Variants in PARP3 observed in about 807,000 individuals in gnomAD.
The protein encoded by PARP3 is protein mono-ADP-ribosyltransferase PARP3.
In PARP3, 46 loss-of-function variants were observed where a neutral mutation model predicts 58.2. The observed-to-expected ratio is 0.79, with a 90% CI of 0.62 to 1.01. The LOEUF is 1.01. PARP3 is among the 50% of genes least tolerant of loss of function. The pLI, the probability that PARP3 is intolerant of heterozygous loss-of-function variation, is 0.00. For synonymous variants in PARP3, 252 were observed against 266.4 expected, an observed-to-expected ratio of 0.95 and a Z score of 0.53; for missense variants, 663 against 683.9, an observed-to-expected ratio of 0.97 and a Z score of 0.34.
In PARP3 at chr3:51,946,705, G is replaced by T. The variant is rs572278509; in HGVS notation, c.1276+362G>T. 3.7e-4 allele frequency among the ~76,000 whole-genome samples: 56 copies of T among 152,278 alleles called. 1 individual carries two copies. The highest frequency in any genetic ancestry group is 1.1e-3 in the African/African-American group (46 of 41,542). ...GCCCACAAGTTTAAGGCTGCCATGAGCTATGATCACACTCCAGCCTGTGTG... is the reference window on the plus strand; with the variant it reads ...GCCCACAAGTTTAAGGCTGCCATGATCTATGATCACACTCCAGCCTGTGTG... On this transcript the variant is annotated intron_variant, in intron 9 of 10. Transcript: ENST00000398755. The surrounding 1 kb of genome is among the most constrained non-coding windows in gnomAD (Gnocchi z 4.6).
intron 10 of PARP3, 36 bp from the exon 11 acceptor site, chr3:51,948,275 C>A (rs1445825031): frequency 3.8e-6 from 6 of 1,593,112 alleles, no homozygotes; most frequent in Non-Finnish European, 5.1e-6. Context: ...GGACCAGTGA[C>A]CCCTGGGCCA....
chr3:51,943,972 G>T (rs1699607666), intron 2 of PARP3, 117 bp from the exon 3 acceptor site: 1 of 925,108 alleles, frequency 1.1e-6, no homozygotes, highest in Non-Finnish European at 1.7e-6. Context: ...TCCAAGACAG[G>T]GTCCCTCTGA....
chr3:51,945,888 C>A lies in PARP3; in HGVS notation c.1047C>A (p.Asn349Lys), dbSNP rs1335798903. The A allele has an allele frequency of 6.2e-7, 1 of 1,614,070 alleles. No homozygotes were observed. Among genetic ancestry groups the A allele is most frequent in the South Asian group, 1.1e-5 (1 of 91,070 alleles). The stretch of plus-strand genomic sequence containing the variant: ...CCTACTTAGAACAGACTGGCAGCAA[C>A]CACAGGTGCCCTACACTTCAACACA... ...IQTYLEQTGS[N>K]HRCPTLQHIW... Residue 349 changes from asparagine (N) to lysine (K), a missense_variant, in exon 8 of 11, where the codon AAC (asparagine) becomes AAA (lysine). Asn to Lys is a moderately conservative substitution (Grantham distance 94, BLOSUM62 0). Around this residue, in one of 3 missense-constraint regions of PARP3, gnomAD observed 567 missense variants for 553.6 expected, o/e 1.02. Transcript: ENST00000398755.
chr3:51,945,758 C>T lies in PARP3; in HGVS notation c.1012-95C>T, dbSNP rs527411137. Reference sequence around the variant, plus strand: ...CCTCAGCCTTCTCTTCCTGTGTCTCCAGGGCCTGAGGAGGGCTTGGGACTG... The same window carrying T: ...CCTCAGCCTTCTCTTCCTGTGTCTCTAGGGCCTGAGGAGGGCTTGGGACTG... On this transcript the variant is annotated intron_variant, in intron 7 of 10. Coordinates refer to ENST00000398755, the MANE Select transcript of PARP3 (RefSeq NM_001003931.4). 1.2e-4 allele frequency: 187 copies of T among 1,528,002 alleles called. No individual in the cohort carries two copies. In the South Asian group the frequency reaches 1.9e-3, roughly 16 times the overall value. The allele number at this position is 1,528,002 out of a possible 1,614,324, so 94.7% of individuals were successfully genotyped here. A position where few individuals can be genotyped will look rare whatever the true frequency, so the allele number is the denominator to read the frequency against.
chr3:51,943,118 C>G, intron 1 of PARP3: 1 of 1,130,632 alleles, frequency 8.8e-7, no homozygotes. Context: ...GAGTCCTAAC[C>G]TTGCACTTGG....
chr3:51,947,612 G>C (rs1699709903), intron 9 of PARP3, 128 bp from the exon 10 acceptor site: 9 of 957,322 alleles, frequency 9.4e-6, no homozygotes, highest in African/African-American at 1.6e-5. Flanking sequence ...AGTGACGGTT[G>C]GGGGAGAGTG....
chr3:51,947,082 C>G (rs1242067823), intron 9 of PARP3, among the ~76,000 whole-genome samples: 1 of 152,144 alleles, frequency 6.6e-6, no homozygotes, highest in African/African-American at 2.4e-5. Context: ...CTGGGAAGTG[C>G]AGGGGAGGGA....
Position 51,946,629 on chromosome 3 carries a change from T to C in PARP3, c.1276+286T>C, listed in dbSNP as rs953651884. ...AGCCTTTGAGCCAGGTGTGGTGGCA[T>C]ACACCTGTAGTTCCATCTACTCTGG... On this transcript the variant is annotated intron_variant, in intron 9 of 10. Transcript: ENST00000398755. The surrounding 1 kb of genome is among the most constrained non-coding windows in gnomAD (Gnocchi z 4.6). Among the ~76,000 whole-genome samples the C allele has an allele frequency of 4.6e-5, 7 of 152,062 alleles. No individual in the cohort carries two copies. The highest frequency in any genetic ancestry group is 1.7e-4 in the African/African-American group (7 of 41,400).
Position 51,945,069 on chromosome 3 carries a change from C to G in PARP3, c.706C>G (p.Leu236Val), listed in dbSNP as rs774027071. 14 of 1,614,192 alleles carry G rather than the reference C, an allele frequency of 8.7e-6. No individual in the cohort carries two copies. Among genetic ancestry groups the G allele is most frequent in the Non-Finnish European group, 8.5e-6 (10 of 1,180,042 alleles). Residue 236 changes from leucine (L) to valine (V), a missense_variant, in exon 6 of 11, where the codon CTG becomes GTG. Leu to Val is a conservative substitution (Grantham distance 32, BLOSUM62 1). Around this residue, in one of 3 missense-constraint regions of PARP3, gnomAD observed 567 missense variants for 553.6 expected, o/e 1.02. Coordinates refer to ENST00000398755, the MANE Select transcript of PARP3 (RefSeq NM_001003931.4). ...IARGFEALEA[L>V]EEALKGPTDG... Reference sequence around the variant, plus strand: ...ACGGGGTTTCGAGGCCTTGGAGGCGCTGGAGGAGGCCCTGAAAGGCCCCAC... The same window carrying G: ...ACGGGGTTTCGAGGCCTTGGAGGCGGTGGAGGAGGCCCTGAAAGGCCCCAC...
chr3:51,943,348 G>C lies in PARP3; in HGVS notation c.-2-6G>C. The C allele has an allele frequency of 6.4e-7, 1 of 1,564,122 alleles. No homozygotes were observed. On this transcript the variant is annotated splice_polypyrimidine_tract_variant and splice_region_variant and intron_variant, in intron 1 of 10. Transcript: ENST00000398755. Reference sequence around the variant, plus strand: ...GGCCTAAGGGCCTCTCTGTGCCCCAGGACAGCCATGGCTCCAAAGCCGAAG... The same window carrying C: ...GGCCTAAGGGCCTCTCTGTGCCCCACGACAGCCATGGCTCCAAAGCCGAAG...
At position 51,943,551 on chromosome 3, in the gene PARP3, C is replaced by T; in HGVS notation, c.183+13C>T. The T allele has an allele frequency of 1.2e-6, 2 of 1,602,488 alleles. No individual in the cohort carries two copies. Among genetic ancestry groups the T allele is most frequent in the Non-Finnish European group, 1.7e-6 (2 of 1,174,712 alleles). On this transcript the variant is annotated intron_variant, in intron 2 of 10. Transcript: ENST00000398755. ...CCCCGGGACCCAGGTGAGCTGCAGT[C>T]CCCAGTCAGGCCCAGAGCCTGCCCA... is the stretch of plus-strand genomic sequence containing the variant.
At position 51,945,490 on chromosome 3, in the gene PARP3, C is replaced by T. The variant is rs1221635441; in HGVS notation, c.862-5C>T. Reference sequence around the variant, plus strand: ...AAGACAAACTGCCAGGGCCCATCATCCTAGGTGCTGGCGGACATCGAGCTG... The same window carrying T: ...AAGACAAACTGCCAGGGCCCATCATTCTAGGTGCTGGCGGACATCGAGCTG... On this transcript the variant is annotated splice_polypyrimidine_tract_variant and splice_region_variant and intron_variant, in intron 6 of 10. Coordinates refer to ENST00000398755, the MANE Select transcript of PARP3 (RefSeq NM_001003931.4). 13 of 1,612,878 alleles carry T rather than the reference C, an allele frequency of 8.1e-6. No homozygotes were observed. Among genetic ancestry groups the T allele is most frequent in the Admixed American group, 1.7e-5 (1 of 59,960 alleles).
rs1699734584 is a variant in PARP3, at chr3:51,948,546, C to T, written c.*66C>T. ...TGATCTTCAATCATCCTGCCCATCTCTGGTACCCCTATATCACTCCTTTTT... is the reference window on the plus strand; with the variant it reads ...TGATCTTCAATCATCCTGCCCATCTTTGGTACCCCTATATCACTCCTTTTT... On this transcript the variant is annotated 3_prime_UTR_variant, in exon 11 of 11. Coordinates refer to ENST00000398755, the MANE Select transcript of PARP3 (RefSeq NM_001003931.4). The T allele has an allele frequency of 2.0e-5, 28 of 1,398,608 alleles. No homozygotes were observed. The highest frequency in any genetic ancestry group is 1.7e-4 in the South Asian group (14 of 82,986). 86.6% of individuals were successfully genotyped at this position (1,398,608 alleles called of 1,614,324 possible).
rs1699735953 is a variant in PARP3 at position 51,948,601 on chromosome 3, A to G, written c.*121A>G. On this transcript the variant is annotated 3_prime_UTR_variant, in exon 11 of 11. Transcript: ENST00000398755. ...AGAATACAATACGTTGTTGTTAACT[A>G]TAGTCACCATGCTGTACAAGATCCC... The G allele has an allele frequency of 2.3e-6, 2 of 859,164 alleles. No homozygotes were observed. Among genetic ancestry groups the G allele is most frequent in the African/African-American group, 1.7e-5 (1 of 59,064 alleles). 53.2% of individuals were successfully genotyped at this position (859,164 alleles called of 1,614,324 possible).
intron 10 of PARP3, 63 bp from the exon 11 acceptor site, chr3:51,948,248 C>A: frequency 6.7e-7 from 1 of 1,502,742 alleles, no homozygotes; most frequent in Non-Finnish European, 9.1e-7. Flanking sequence ...GGGGGCAGGA[C>A]TTACTCGTAA....
Position 51,944,691 on chromosome 3 carries a change from C to A in PARP3, c.502-87C>A. 1 of 1,572,308 alleles carries A rather than the reference C, an allele frequency of 6.4e-7. No individual in the cohort carries two copies. Among genetic ancestry groups the A allele is most frequent in the South Asian group, 1.2e-5 (1 of 85,638 alleles). ...CAGCTGCGCAGCCTCAGCCACAGAA[C>A]TCCCCTCTGGCCTCAGGCTGGCTGG... is the stretch of plus-strand genomic sequence containing the variant. On this transcript the variant is annotated intron_variant, in intron 4 of 10. Transcript: ENST00000398755. The surrounding 1 kb of genome is among the most constrained non-coding windows in gnomAD (Gnocchi z 4.2).
At position 51,945,914 on chromosome 3, in the gene PARP3, T is replaced by C. The variant is rs1459426393; in HGVS notation, c.1073T>C (p.Ile358Thr). 2 of 1,613,840 alleles carry C rather than the reference T, an allele frequency of 1.2e-6. No homozygotes were observed. The highest frequency in any genetic ancestry group is 1.7e-6 in the Non-Finnish European group (2 of 1,179,962). Reference protein sequence around the residue: ...SNHRCPTLQHIWKVNQEGEED... With the variant: ...SNHRCPTLQHTWKVNQEGEED... ...CACAGGTGCCCTACACTTCAACACA[T>C]CTGGAAAGTAAACCAAGAAGGGGAG... Residue 358 changes from isoleucine to threonine, a missense_variant, in exon 8 of 11, where the codon ATC becomes ACC. By Grantham distance (89) the Ile-to-Thr change is moderately conservative. Around this residue, in one of 3 missense-constraint regions of PARP3, gnomAD observed 567 missense variants for 553.6 expected, o/e 1.02. Coordinates refer to ENST00000398755, the MANE Select transcript of PARP3 (RefSeq NM_001003931.4).
chr3:51,947,608 G>A (rs528016994), intron 9 of PARP3, 132 bp from the exon 10 acceptor site: 23 of 923,116 alleles, frequency 2.5e-5, no homozygotes, highest in South Asian at 9.5e-5. Flanking sequence ...AGGGAGTGAC[G>A]GTTGGGGGAG....
intron 10 of PARP3, among the ~76,000 whole-genome samples, chr3:51,948,101 A>G (rs540704860): frequency 2.0e-5 from 3 of 152,350 alleles, no homozygotes; most frequent in South Asian, 2.1e-4. Flanking sequence ...TTGACTGAGC[A>G]TTGAAGGATT....
Sources: gnomAD v4.1 joint callset for allele counts (sites outside exome capture counted in the v4.1 genomes callset) on GRCh38, gnomAD v4.1.1 for gene constraint, gnomAD v4.1.1 regional missense constraint, Gnocchi (gnomAD v3.1) non-coding constraint, MANE v1.5 for transcripts, NCBI Gene and HGNC (gene_info 2026-07-23, HGNC 2026-07-21) for gene names.